The following AFF2 variants were observed in gnomAD, a reference collection of about 807,000 sequenced individuals.
AFF2 encodes the protein ALF transcription elongation factor 2.
AFF2 carries 14 observed loss-of-function variants against 76.9 expected under a neutral mutation model. The observed-to-expected ratio is 0.18, with a 90% CI of 0.12 to 0.28. AFF2 has a LOEUF of 0.28. AFF2 is among the 10% of genes least tolerant of loss of function. The pLI, the probability that AFF2 is intolerant of heterozygous loss-of-function variation, is 1.00. For missense variants in AFF2, 868 were observed against 1,001.1 expected, an observed-to-expected ratio of 0.87 and a Z score of 1.79; for synonymous variants, 398 against 366.7, an observed-to-expected ratio of 1.09 and a Z score of -0.98.
chrX:148,679,118 A>G (rs2054518937), intron 3 of AFF2, among the ~76,000 whole-genome samples: 1 of 108,345 alleles, frequency 9.2e-6, no homozygotes, highest in Non-Finnish European at 1.9e-5. Context: ...TTTAACTGCA[A>G]CATAATTCAT....
chrX:148,835,704 C>T (rs1437193378), intron 4 of AFF2, among the ~76,000 whole-genome samples: 5 of 109,554 alleles, frequency 4.6e-5, no homozygotes, highest in African/African-American at 1.0e-4. Flanking sequence ...AGGATGGTCT[C>T]GATCTCTTGA....
At chrX:148,680,378 T>C (rs1202774422) in intron 3 of AFF2, among the ~76,000 whole-genome samples, 4 of 112,002 alleles carry the variant, frequency 3.6e-5, no homozygotes, top group East Asian at 2.8e-4. Flanking sequence ...AAAATCAGGG[T>C]ATTGCATGTG....
intron 7 of AFF2, among the ~76,000 whole-genome samples, chrX:148,862,397 A>G (rs932008379): frequency 3.6e-5 from 4 of 111,128 alleles, no homozygotes; most frequent in Middle Eastern, 4.2e-3. Context: ...AACACGCATA[A>G]CATTAGACTG....
intron 3 of AFF2, among the ~76,000 whole-genome samples, chrX:148,722,927 T>C (rs1396618515): frequency 9.0e-6 from 1 of 110,987 alleles, no homozygotes; most frequent in Non-Finnish European, 1.9e-5. Context: ...ACCACTCAAG[T>C]ATTACCTTCT....
chrX:148,829,757 G>A (rs1473631871), intron 4 of AFF2, among the ~76,000 whole-genome samples: 11 of 112,006 alleles, frequency 9.8e-5, no homozygotes, highest in African/African-American at 3.6e-4. Flanking sequence ...TCTAGGCAGA[G>A]GACATTTCGC....
intron 1 of AFF2, among the ~76,000 whole-genome samples, chrX:148,511,218 C>T (rs782614292): frequency 9.1e-6 from 1 of 110,184 alleles, no homozygotes; most frequent in Non-Finnish European, 1.9e-5. Flanking sequence ...CATTTAATAT[C>T]TGCAACAGTG....
chrX:148,588,328 C>T (rs1371298442), intron 1 of AFF2, among the ~76,000 whole-genome samples: 3 of 112,901 alleles, frequency 2.7e-5, no homozygotes, highest in African/African-American at 9.7e-5. Flanking sequence ...ACTCACAAAA[C>T]TGGCAGAGGC....
intron 1 of AFF2, among the ~76,000 whole-genome samples, chrX:148,536,641 T>C (rs1557236620): frequency 8.9e-6 from 1 of 112,575 alleles, no homozygotes; most frequent in African/African-American, 3.2e-5. Context: ...AATATCTTCA[T>C]AGAAAACATT....
intron 1 of AFF2, among the ~76,000 whole-genome samples, chrX:148,565,211 C>G (rs1357732245): frequency 1.8e-5 from 2 of 111,263 alleles, no homozygotes; most frequent in East Asian, 5.7e-4. Flanking sequence ...GAATATATAT[C>G]TGTTCTTGAA....
intron 1 of AFF2, among the ~76,000 whole-genome samples, chrX:148,649,711 G>C (rs909632656): frequency 8.9e-6 from 1 of 112,154 alleles, no homozygotes; most frequent in East Asian, 2.8e-4. Context: ...ACTGCTGATC[G>C]TTTGAAAGGT....
intron 1 of AFF2, among the ~76,000 whole-genome samples, chrX:148,602,269 A>T (rs1444362552): frequency 4.5e-5 from 5 of 111,899 alleles, no homozygotes. Context: ...CATGAAATGA[A>T]ATAAAAGAAG....
At position 148,557,353 on chromosome X, in the gene AFF2, C is replaced by T. The variant is rs147453552; in HGVS notation, c.47+56209C>T. Among the ~76,000 whole-genome samples the T allele has an allele frequency of 1.6e-3, 184 of 111,982 alleles. 1 individual carries two copies. The East Asian group carries it at 0.044, about 27-fold the overall frequency. ...TGAAGCTAAAAATTGTTATCACTTACGGCCTATTTTGCTGTTGCTATAATA... is the reference window on the plus strand; with the variant it reads ...TGAAGCTAAAAATTGTTATCACTTATGGCCTATTTTGCTGTTGCTATAATA... On this transcript the variant is annotated intron_variant, in intron 1 of 20. Coordinates refer to ENST00000370460, the MANE Select transcript of AFF2 (RefSeq NM_002025.4).
At chrX:148,820,179 T>C (rs782514036) in intron 4 of AFF2, among the ~76,000 whole-genome samples, 1 of 111,965 alleles carries the variant, frequency 8.9e-6, no homozygotes, top group South Asian at 3.7e-4. Context: ...TGTTGGCTAG[T>C]ATTGCATTAC....
chrX:148,688,329 T>A (rs782644356), intron 3 of AFF2, among the ~76,000 whole-genome samples: 1 of 111,694 alleles, frequency 9.0e-6, no homozygotes, highest in East Asian at 2.8e-4. Context: ...TTCTTCTAAC[T>A]TACTGCCTTC....
chrX:148,874,912 G>C (rs2071019164), intron 7 of AFF2, among the ~76,000 whole-genome samples: 1 of 112,014 alleles, frequency 8.9e-6, no homozygotes, highest in African/African-American at 3.2e-5. Context: ...GACTCAACAT[G>C]GTTGGCTTTC....
chrX:148,528,415 A>T (rs1237744538), intron 1 of AFF2, among the ~76,000 whole-genome samples: 1 of 111,658 alleles, frequency 9.0e-6, no homozygotes, highest in African/African-American at 3.3e-5. Flanking sequence ...TGTTAAAGGA[A>T]TTTTTTTCTG....
At chrX:148,885,850 AT>A in intron 7 of AFF2, 38 bp from the exon 8 acceptor site, 4 of 1,079,869 alleles carry the variant, frequency 3.7e-6, no homozygotes, top group Non-Finnish European at 3.9e-6. Context: ...TTTAGAAAAT[AT>A]GCCTTCTAAC....
intron 4 of AFF2, among the ~76,000 whole-genome samples, chrX:148,811,815 AAAC>A (rs1316761496): frequency 8.9e-6 from 1 of 112,045 alleles, no homozygotes; most frequent in Non-Finnish European, 1.9e-5. Flanking sequence ...CCACTTAGAG[AAAC>A]AACAGAATTT....
In AFF2 at chrX:148,987,371, A is replaced by T; in HGVS notation, c.3628A>T (p.Thr1210Ser). ...PSPWVSNGKN[T>S]PSPVSLNNVS... ...TTGTCTCTTTCCATTTCCCAGGAAC[A>T]CTCCATCCCCAGTGTCTCTCAACAA... is the stretch of plus-strand genomic sequence containing the variant. The change falls in exon 20 of 21, where the codon ACT (threonine) becomes TCT (serine). Residue 1210 changes from threonine to serine, a missense_variant. This residue lies in a region of AFF2 where 46 missense variants were observed against 40.8 expected (regional missense o/e 1.13). Coordinates refer to ENST00000370460, the MANE Select transcript of AFF2 (RefSeq NM_002025.4). 1 of 1,206,082 alleles carries T rather than the reference A, an allele frequency of 8.3e-7. No individual in the cohort carries two copies. Among genetic ancestry groups the T allele is most frequent in the Non-Finnish European group, 1.1e-6 (1 of 892,476 alleles).
Sources: gnomAD v4.1 joint callset for allele counts (sites outside exome capture counted in the v4.1 genomes callset) on GRCh38, gnomAD v4.1.1 for gene constraint, gnomAD v4.1.1 regional missense constraint, MANE v1.5 for transcripts, NCBI Gene and HGNC (gene_info 2026-07-23, HGNC 2026-07-21) for gene names.